GRIK5: variants seen among roughly 807,000 people sequenced by gnomAD.
The protein encoded by GRIK5 is glutamate ionotropic receptor kainate type subunit 5.
A neutral mutation model predicts 97.4 loss-of-function variants in GRIK5; 43 were observed. The observed-to-expected ratio is 0.44, with a 90% CI of 0.35 to 0.57. The LOEUF (loss-of-function observed/expected upper bound fraction) is 0.57. Among genes scored for constraint, GRIK5 ranks in the 20% least tolerant of loss-of-function variants. The pLI, the probability that GRIK5 is intolerant of heterozygous loss-of-function variation, is 0.01. For missense variants in GRIK5, 1,015 were observed against 1,382.0 expected, an observed-to-expected ratio of 0.73 and a Z score of 4.21; for synonymous variants, 580 against 583.5, an observed-to-expected ratio of 0.99 and a Z score of 0.09.
rs554203861 is a variant in GRIK5 at position 42,023,479 on chromosome 19, G to T, written c.1474-1125C>A. ...CTCCAATTATTTTAAGCACCCACTG[G>T]GGGTCTGTCCTAGCAAGGCCCTGCA... On this transcript the variant is annotated intron_variant, in intron 12 of 19. Transcript: ENST00000593562. Among the ~76,000 whole-genome samples the T allele has an allele frequency of 7.9e-5, 12 of 152,258 alleles. No homozygotes were observed. The South Asian group carries it at 2.5e-3, about 32-fold the overall frequency.
At chr19:42,031,324 C>G (rs550952940) in intron 12 of GRIK5, among the ~76,000 whole-genome samples, 5 of 152,200 alleles carry the variant, frequency 3.3e-5, no homozygotes, top group Non-Finnish European at 7.3e-5. Flanking sequence ...TAGAGAATTG[C>G]TTTTGAATTA....
chr19:42,062,619 G>T lies in GRIK5; in HGVS notation c.377C>A (p.Pro126His), dbSNP rs1253390299. ...PHIKVGPEET[P>H]RLQYLRFASV... ...CGCGAAGCGAAGGTACTGAAGGCGG[G>T]GTGTCTCCTCGGGACCCACCTTGAT... is the stretch of plus-strand genomic sequence containing the variant. The change falls in exon 5 of 20, where the codon CCC becomes CAC. Residue 126 changes from proline to histidine, a missense_variant. By Grantham distance (77) the Pro-to-His change is moderately conservative (BLOSUM62 -2). Coordinates refer to ENST00000593562, the MANE Select transcript of GRIK5 (RefSeq NM_002088.5). This position sits in a 1 kb window ranked among gnomAD's most constrained non-coding sequence, Gnocchi z 5.3. 3.7e-6 allele frequency: 6 copies of T among 1,613,982 alleles called. No individual in the cohort carries two copies. Among genetic ancestry groups the T allele is most frequent in the African/African-American group, 2.7e-5 (2 of 74,890 alleles).
At position 42,006,494 on chromosome 19, in the gene GRIK5, G is replaced by T; in HGVS notation, c.2037+151C>A. On this transcript the variant is annotated intron_variant, in intron 16 of 19. Coordinates refer to ENST00000593562, the MANE Select transcript of GRIK5 (RefSeq NM_002088.5). The surrounding 1 kb of genome is among the most constrained non-coding windows in gnomAD (Gnocchi z 5.3). ...CTAGCCAGCCAGCTGCGAGCCCCAT[G>T]ACAGCACATGTGTGTTTTCTGCTCC... 1.5e-6 allele frequency: 1 copy of T among 676,920 alleles called. No individual in the cohort carries two copies. The highest frequency in any genetic ancestry group is 2.5e-6 in the Non-Finnish European group (1 of 393,882). The allele number at this position is 676,920 out of a possible 1,614,324, so 41.9% of individuals were successfully genotyped here. A position where few individuals can be genotyped will look rare whatever the true frequency, so the allele number is the denominator to read the frequency against.
intron 3 of GRIK5, chr19:42,063,394 T>A (rs1477118076): frequency 1.1e-5 from 5 of 456,448 alleles, no homozygotes; most frequent in Non-Finnish European, 2.2e-5. Flanking sequence ...GTCCAGTGCC[T>A]GTTCTCATGG....
Position 42,069,865 on chromosome 19 carries a change from G to T in GRIK5, c.-675C>A, listed in dbSNP as rs1350376889. Among the ~76,000 whole-genome samples the T allele has an allele frequency of 1.3e-5, 2 of 152,130 alleles. No individual in the cohort carries two copies. Among genetic ancestry groups the T allele is most frequent in the Non-Finnish European group, 2.9e-5 (2 of 67,982 alleles). On this transcript the variant is annotated 5_prime_UTR_variant, in exon 1 of 20. Coordinates refer to ENST00000593562, the MANE Select transcript of GRIK5 (RefSeq NM_002088.5). Reference sequence around the variant, plus strand: ...TGCTGGGGGCGGGGAGAGCCCGGGAGTGGAGAGCTGGGGAGGATGGAGAGC... The same window carrying T: ...TGCTGGGGGCGGGGAGAGCCCGGGATTGGAGAGCTGGGGAGGATGGAGAGC...
At chr19:42,017,898 G>A (rs1210660599) in intron 15 of GRIK5, among the ~76,000 whole-genome samples, 1 of 152,084 alleles carries the variant, frequency 6.6e-6, no homozygotes. Context: ...ACCTGGAGAT[G>A]GACGAGTGAA....
At chr19:42,015,643 C>T (rs971112901) in intron 15 of GRIK5, among the ~76,000 whole-genome samples, 1 of 152,158 alleles carries the variant, frequency 6.6e-6, no homozygotes, top group Non-Finnish European at 1.5e-5. Flanking sequence ...TGAGTTCATC[C>T]GGCACACAGC....
rs1305183705 is a variant in GRIK5, at chr19:42,021,332, C to A, written c.1840G>T (p.Ala614Ser). The change falls in exon 15 of 20, where the codon GCG becomes TCG. Residue 614 changes from alanine (A) to serine (S), a missense_variant. Physicochemically the swap from Ala to Ser is moderately conservative, Grantham distance 99. Around this residue, in one of 5 missense-constraint regions of GRIK5, gnomAD observed 477 missense variants for 701.1 expected, o/e 0.68. Coordinates refer to ENST00000593562, the MANE Select transcript of GRIK5 (RefSeq NM_002088.5). The surrounding 1 kb of genome is among the most constrained non-coding windows in gnomAD (Gnocchi z 4.2). ...CCGCTGACACAGCGCGTGGACAGCGCCCGGGGCATGATCTCCGAGCCCTGC... is the reference window on the plus strand; with the variant it reads ...CCGCTGACACAGCGCGTGGACAGCGACCGGGGCATGATCTCCGAGCCCTGC... ...MQQGSEIMPR[A>S]LSTRCVSGVW... 3 of 1,613,304 alleles carry A rather than the reference C, an allele frequency of 1.9e-6. No individual in the cohort carries two copies. The African/African-American group carries it at 4.0e-5, about 22-fold the overall frequency.
In GRIK5 at chr19:42,069,929, T is replaced by G. The variant is rs2076400838; in HGVS notation, c.-739A>C. Among the ~76,000 whole-genome samples the G allele has an allele frequency of 6.8e-6, 1 of 147,518 alleles. No homozygotes were observed. Among genetic ancestry groups the G allele is most frequent in the East Asian group, 2.1e-4 (1 of 4,866 alleles). On this transcript the variant is annotated 5_prime_UTR_variant, in exon 1 of 20. Transcript: ENST00000593562. Reference sequence around the variant, plus strand: ...GAGGCCAAGAAGGGGGCAAATGAGGTGGAGAGATAGGGAGGAGGGAGAGGA... The same window carrying G: ...GAGGCCAAGAAGGGGGCAAATGAGGGGGAGAGATAGGGAGGAGGGAGAGGA...
intron 15 of GRIK5, among the ~76,000 whole-genome samples, chr19:42,017,047 G>A (rs1599762375): frequency 6.6e-6 from 1 of 152,122 alleles, no homozygotes; most frequent in East Asian, 1.9e-4. Flanking sequence ...GCTGAGAGCT[G>A]CTCACCGTTG....
At chr19:42,024,516 T>C (rs1421225057) in intron 12 of GRIK5, among the ~76,000 whole-genome samples, 2 of 152,114 alleles carry the variant, frequency 1.3e-5, no homozygotes, top group Non-Finnish European at 2.9e-5. Context: ...CCTGGCCTCA[T>C]TGTCCTGTTC....
At chr19:42,059,200 A>G (rs1160190193) in intron 6 of GRIK5, 149 bp downstream of exon 6, 38 of 635,888 alleles carry the variant, frequency 6.0e-5, no homozygotes, top group Non-Finnish European at 9.6e-5. Flanking sequence ...GCAGGCTGAG[A>G]GACAAACTTT....
intron 11 of GRIK5, among the ~76,000 whole-genome samples, chr19:42,048,581 C>A (rs2146124780): frequency 6.6e-6 from 1 of 152,246 alleles, no homozygotes; most frequent in South Asian, 2.1e-4. Context: ...GATTGTGCCA[C>A]TGCACTCCAG....
chr19:42,039,845 T>C (rs1175435901), intron 12 of GRIK5, among the ~76,000 whole-genome samples: 1 of 151,972 alleles, frequency 6.6e-6, no homozygotes, highest in Non-Finnish European at 1.5e-5. Context: ...CTAGGCATTA[T>C]GGCATATGCC....
chr19:42,058,805 G>A (rs1365637656), intron 6 of GRIK5, among the ~76,000 whole-genome samples: 7 of 136,944 alleles, frequency 5.1e-5, no homozygotes, highest in Non-Finnish European at 1.1e-4. Flanking sequence ...CAGCCTGGGC[G>A]ACAGAGCAAG....
Position 42,022,015 on chromosome 19 carries a change from G to A in GRIK5, c.1629C>T (p.Ser543=), listed in dbSNP as rs1349632741. 1.9e-6 allele frequency: 3 copies of A among 1,614,042 alleles called. No individual in the cohort carries two copies. Among genetic ancestry groups the A allele is most frequent in the Non-Finnish European group, 2.5e-6 (3 of 1,179,924 alleles). The change falls in exon 14 of 20, where the codon TCC becomes TCT. Residue 543 remains serine, a synonymous_variant. Transcript: ENST00000593562. The surrounding 1 kb of genome is among the most constrained non-coding windows in gnomAD (Gnocchi z 4.2). The part of the protein sequence containing the change: ...PGYFSFLDPF[S]PAVWLFMLLA... The stretch of plus-strand genomic sequence containing the variant: ...GAAGCATGAAGAGCCACACAGCAGG[G>A]GAGAAGGGGTCCAGGAAGGAGAAGT...
chr19:42,017,553 C>T (rs568083123), intron 15 of GRIK5, among the ~76,000 whole-genome samples: 1 of 152,264 alleles, frequency 6.6e-6, no homozygotes, highest in African/African-American at 2.4e-5. Flanking sequence ...TGAGAAGCCC[C>T]ATTTGAGGGG....
chr19:42,049,183 A>G (rs532710260), intron 11 of GRIK5, among the ~76,000 whole-genome samples: 13 of 152,202 alleles, frequency 8.5e-5, no homozygotes, highest in African/African-American at 3.1e-4. Context: ...CCGAGTAGCA[A>G]GTGGAATTTT....
In GRIK5 at chr19:41,999,033, G is replaced by T; in HGVS notation, c.2781C>A (p.Cys927Ter). 1 of 1,234,004 alleles carries T rather than the reference G, an allele frequency of 8.1e-7. No individual in the cohort carries two copies. Among genetic ancestry groups the T allele is most frequent in the Non-Finnish European group, 1.0e-6 (1 of 988,288 alleles). The allele number at this position is 1,234,004 out of a possible 1,614,324, so 76.4% of individuals were successfully genotyped here. A position where few individuals can be genotyped will look rare whatever the true frequency, so the allele number is the denominator to read the frequency against. Residue 927 changes from cysteine to a stop codon, truncating the protein, a stop_gained, in exon 20 of 20, where the codon TGC becomes TGA. Coordinates refer to ENST00000593562, the MANE Select transcript of GRIK5 (RefSeq NM_002088.5). LOFTEE classifies it low-confidence loss of function (END_TRUNC). The surrounding 1 kb of genome is among the most constrained non-coding windows in gnomAD (Gnocchi z 5.0). ...SGARPAAPTP[C>*]THVRVCQECR... ...ACTCCTGGCAGACGCGCACGTGGGT[G>T]CAGGGGGTGGGGGCGGCGGGTCGGG...
Sources: allele counts gnomAD v4.1 joint callset (sites outside exome capture counted in the v4.1 genomes callset), GRCh38; gene constraint gnomAD v4.1.1; regional missense constraint gnomAD v4.1.1; non-coding constraint Gnocchi (gnomAD v3.1); transcripts MANE v1.5; gene names NCBI Gene and HGNC (gene_info 2026-07-23, HGNC 2026-07-21).